POLR3B: variants seen among roughly 807,000 people sequenced by gnomAD.
POLR3B encodes the protein RNA polymerase III subunit B, also known as DNA-directed RNA polymerase III subunit RPC2.
Under a neutral mutation model 147.4 loss-of-function variants are expected in POLR3B, and 96 were observed. That is an observed-to-expected ratio of 0.65 (90% CI 0.55 to 0.77). The LOEUF is 0.77. Ranked by LOEUF, POLR3B falls within the 30% of genes least tolerant of loss-of-function variation. The pLI, the probability that POLR3B is intolerant of heterozygous loss-of-function variation, is 0.00. For synonymous variants in POLR3B, 461 were observed against 485.9 expected, an observed-to-expected ratio of 0.95 and a Z score of 0.67; for missense variants, 1,036 against 1,413.5, an observed-to-expected ratio of 0.73 and a Z score of 4.28.
At position 106,379,240 on chromosome 12, in the gene POLR3B, A is replaced by T. The variant is rs76293289; in HGVS notation, c.615-791A>T. On this transcript the variant is annotated intron_variant, in intron 8 of 27. Coordinates refer to ENST00000228347, the MANE Select transcript of POLR3B (RefSeq NM_018082.6). Reference sequence around the variant, plus strand: ...AGAGGTAGATAGCCTTTGAACCCAGATACGGTTAATTTTACAATCCATGTC... The same window carrying T: ...AGAGGTAGATAGCCTTTGAACCCAGTTACGGTTAATTTTACAATCCATGTC... Among the ~76,000 whole-genome samples the T allele has an allele frequency of 1.8e-3, 275 of 152,308 alleles. 8 individuals carry two copies. In the East Asian group the frequency reaches 0.045, roughly 25 times the overall value.
intron 11 of POLR3B, among the ~76,000 whole-genome samples, chr12:106,408,255 GGT>G (rs2037176042): frequency 6.6e-6 from 1 of 152,176 alleles, no homozygotes; most frequent in Admixed American, 6.5e-5. Flanking sequence ...GTATTGTTTA[GGT>G]GTGTCTGTGT....
intron 9 of POLR3B, among the ~76,000 whole-genome samples, chr12:106,385,681 T>C (rs2036826303): frequency 6.6e-6 from 1 of 152,156 alleles, no homozygotes; most frequent in South Asian, 2.1e-4. Context: ...GGAGAGAGTA[T>C]TGGTAAGAGT....
intron 7 of POLR3B, 79 bp downstream of exon 7, chr12:106,376,529 C>T (rs1160011899): frequency 3.0e-6 from 3 of 1,004,052 alleles, no homozygotes; most frequent in Non-Finnish European, 4.7e-6. Context: ...CATTTTGTCT[C>T]AAAAACAGTA....
chr12:106,457,898 A>C lies in POLR3B; in HGVS notation c.2452+602A>C, dbSNP rs546662133. ...TGAGCTGGAATCTGAAGGATAGGGAAGAGTTAACTAAAGAAGAGGATCAGG... is the reference window on the plus strand; with the variant it reads ...TGAGCTGGAATCTGAAGGATAGGGACGAGTTAACTAAAGAAGAGGATCAGG... On this transcript the variant is annotated intron_variant, in intron 21 of 27. Coordinates refer to ENST00000228347, the MANE Select transcript of POLR3B (RefSeq NM_018082.6). Among the ~76,000 whole-genome samples, 41 of 152,242 alleles carry C rather than the reference A, an allele frequency of 2.7e-4. No individual in the cohort carries two copies. The East Asian group carries it at 7.5e-3, about 28-fold the overall frequency.
chr12:106,491,979 T>A (rs2038412577), intron 23 of POLR3B, among the ~76,000 whole-genome samples: 1 of 152,182 alleles, frequency 6.6e-6, no homozygotes, highest in African/African-American at 2.4e-5. Context: ...AAATGAGAAC[T>A]GGCCATCAGC....
At chr12:106,494,070 A>G (rs1472645640) in intron 23 of POLR3B, among the ~76,000 whole-genome samples, 2 of 152,234 alleles carry the variant, frequency 1.3e-5, no homozygotes, top group Admixed American at 6.5e-5. Flanking sequence ...CAACTTCCCC[A>G]GAAGGAAGCT....
intron 22 of POLR3B, 151 bp downstream of exon 22, chr12:106,459,519 G>A (rs2037908644): frequency 1.5e-6 from 1 of 679,254 alleles, no homozygotes; most frequent in African/African-American, 1.8e-5. Flanking sequence ...TGGCATAGAA[G>A]ATAAAGCTAG....
chr12:106,411,074 T>C lies in POLR3B; in HGVS notation c.1101+114T>C. 3 of 948,972 alleles carry C rather than the reference T, an allele frequency of 3.2e-6. No individual in the cohort carries two copies. In the South Asian group the frequency reaches 4.3e-5, roughly 13 times the overall value. 58.8% of individuals were successfully genotyped at this position (948,972 alleles called of 1,614,324 possible). ...AAATATAGTTTGCAGGTTTGAAGTATAAACATTTCATACCTGACTTATTAT... is the reference window on the plus strand; with the variant it reads ...AAATATAGTTTGCAGGTTTGAAGTACAAACATTTCATACCTGACTTATTAT... On this transcript the variant is annotated intron_variant, in intron 12 of 27. Transcript: ENST00000228347.
At chr12:106,379,236 C>A (rs996604724) in intron 8 of POLR3B, among the ~76,000 whole-genome samples, 5 of 152,180 alleles carry the variant, frequency 3.3e-5, no homozygotes, top group African/African-American at 1.2e-4. Context: ...GCCTTTGAAC[C>A]CAGATACGGT....
At chr12:106,403,605 A>G (rs1212195216) in intron 10 of POLR3B, among the ~76,000 whole-genome samples, 1 of 152,168 alleles carries the variant, frequency 6.6e-6, no homozygotes, top group Non-Finnish European at 1.5e-5. Flanking sequence ...TGTGGCACAT[A>G]TACACCATGG....
intron 18 of POLR3B, among the ~76,000 whole-genome samples, chr12:106,443,082 A>G (rs1255831176): frequency 6.6e-6 from 1 of 152,236 alleles, no homozygotes; most frequent in Non-Finnish European, 1.5e-5. Context: ...TAAAAAGGTA[A>G]AAAGAAACTG....
At position 106,457,216 on chromosome 12, in the gene POLR3B, TG is replaced by T. The variant is rs1592752356; in HGVS notation, c.2376del (p.Met794CysfsTer16). 1.2e-6 allele frequency: 2 copies of T among 1,613,100 alleles called. No individual in the cohort carries two copies. Among genetic ancestry groups the T allele is most frequent in the Non-Finnish European group, 1.7e-6 (2 of 1,179,090 alleles). On this transcript the variant is annotated frameshift_variant, in exon 21 of 28. Transcript: ENST00000228347. LOFTEE classifies it high-confidence loss of function. ...RYTNQTFDKVMGPMLDAATRK... is the reference protein window; with the variant it reads ...RYTNQTFDKVXGPMLDAATRK... The stretch of plus-strand genomic sequence containing the variant: ...ACCAATCAGACTTTTGATAAAGTGA[TG>T]GGGCCCATGTTGGATGCTGCTACAA...
chr12:106,457,901 G>A (rs1024980073), intron 21 of POLR3B, among the ~76,000 whole-genome samples: 6 of 152,178 alleles, frequency 3.9e-5, no homozygotes, highest in Non-Finnish European at 8.8e-5. Flanking sequence ...ATAGGGAAGA[G>A]TTAACTAAAG....
intron 5 of POLR3B, 96 bp downstream of exon 5, chr12:106,369,446 G>C (rs545200463): frequency 1.2e-5 from 11 of 950,774 alleles, no homozygotes; most frequent in South Asian, 7.7e-5. Context: ...AATGGGATGG[G>C]GGGGGACATT....
intron 9 of POLR3B, chr12:106,381,942 G>C (rs924767586): frequency 1.3e-5 from 2 of 152,184 alleles, no homozygotes; most frequent in African/African-American, 4.8e-5. Context: ...ACCATATAGG[G>C]TAACTTCCTG....
intron 10 of POLR3B, among the ~76,000 whole-genome samples, chr12:106,405,130 G>T (rs1452714713): frequency 2.0e-5 from 3 of 151,860 alleles, no homozygotes; most frequent in African/African-American, 4.8e-5. Flanking sequence ...GATTACTTAG[G>T]TTTAGAGTTA....
At chr12:106,448,315 T>TAATA (rs2037749789) in intron 19 of POLR3B, among the ~76,000 whole-genome samples, 1 of 151,746 alleles carries the variant, frequency 6.6e-6, no homozygotes, top group Admixed American at 6.6e-5. Flanking sequence ...GTAGAATGGA[T>TAATA]AATATTACAG....
intron 1 of POLR3B, among the ~76,000 whole-genome samples, chr12:106,360,040 C>T (rs921983662): frequency 6.6e-6 from 1 of 152,200 alleles, no homozygotes; most frequent in South Asian, 2.1e-4. Flanking sequence ...ATCCAATCCA[C>T]CATCACCTCT....
intron 2 of POLR3B, among the ~76,000 whole-genome samples, chr12:106,364,239 A>C (rs923442469): frequency 1.4e-4 from 22 of 152,352 alleles, no homozygotes; most frequent in Middle Eastern, 3.4e-3. Flanking sequence ...TTTAAGCCTG[A>C]AAGCTGGGTG....
Sources: gnomAD v4.1 joint callset for allele counts (sites outside exome capture counted in the v4.1 genomes callset) on GRCh38, gnomAD v4.1.1 for gene constraint, MANE v1.5 for transcripts, NCBI Gene and HGNC (gene_info 2026-07-23, HGNC 2026-07-21) for gene names.